ADGRB3: variants seen among roughly 807,000 people sequenced by gnomAD.
The protein encoded by ADGRB3 is brain-specific angiogenesis inhibitor 3.
A neutral mutation model predicts 193.4 loss-of-function variants in ADGRB3; 37 were observed. The observed-to-expected ratio is 0.19, with a 90% CI of 0.15 to 0.25. The LOEUF is 0.25. Ranked by LOEUF, ADGRB3 falls within the 10% of genes least tolerant of loss-of-function variation. The pLI is 1.00. For synonymous variants in ADGRB3, 690 were observed against 644.2 expected, an observed-to-expected ratio of 1.07 and a Z score of -1.08; for missense variants, 1,637 against 1,852.9, an observed-to-expected ratio of 0.88 and a Z score of 2.14.
chr6:68,755,992 A>G (rs1766291938), intron 3 of ADGRB3, among the ~76,000 whole-genome samples: 1 of 152,182 alleles, frequency 6.6e-6, no homozygotes. Context: ...AGAGGAAAAA[A>G]TGCTTCTGCC....
At chr6:69,354,384 A>C (rs1769293569) in intron 27 of ADGRB3, 56 bp downstream of exon 27, 1 of 1,442,152 alleles carries the variant, frequency 6.9e-7, no homozygotes, top group East Asian at 2.3e-5. Flanking sequence ...CAAGGGAATA[A>C]AAGAAATCCT....
chr6:69,376,325 G>A (rs1180878137), intron 30 of ADGRB3, among the ~76,000 whole-genome samples: 1 of 151,646 alleles, frequency 6.6e-6, no homozygotes, highest in East Asian at 2.0e-4. Context: ...CTCGAACTCT[G>A]GGGCTCATGT....
chr6:69,243,175 G>A (rs1219772391), intron 20 of ADGRB3, among the ~76,000 whole-genome samples: 1 of 151,774 alleles, frequency 6.6e-6, no homozygotes, highest in East Asian at 1.9e-4. Flanking sequence ...AAAGTGGTGG[G>A]AGATAGCTTC....
chr6:69,343,650 A>G (rs140738896), intron 26 of ADGRB3, among the ~76,000 whole-genome samples: 3 of 152,284 alleles, frequency 2.0e-5, no homozygotes, highest in Non-Finnish European at 2.9e-5. Context: ...TCTTGAAAAT[A>G]CAGTTTCTTC....
At chr6:68,676,356 A>C (rs1769086779) in intron 3 of ADGRB3, among the ~76,000 whole-genome samples, 1 of 144,566 alleles carries the variant, frequency 6.9e-6, no homozygotes, top group South Asian at 2.2e-4. Context: ...GCACCACTGC[A>C]CTCCAGCCTG....
At chr6:69,042,170 A>G (rs530202570) in intron 13 of ADGRB3, among the ~76,000 whole-genome samples, 2 of 152,320 alleles carry the variant, frequency 1.3e-5, no homozygotes, top group African/African-American at 4.8e-5. Flanking sequence ...CCTTTCTGCC[A>G]TGATTGTAAG....
chr6:69,296,331 A>G lies in ADGRB3; in HGVS notation c.2815-28541A>G, dbSNP rs187423981. ...CATGGTGATTTCCTAGCTATGTTGC[A>G]TTACAAACGAGAGGCTCAGCCATGT... On this transcript the variant is annotated intron_variant, in intron 20 of 31. Transcript: ENST00000370598. Among the ~76,000 whole-genome samples the G allele has an allele frequency of 1.4e-4, 21 of 152,276 alleles. No individual in the cohort carries two copies. In the East Asian group the frequency reaches 3.9e-3, roughly 28 times the overall value.
At chr6:69,044,746 T>C (rs564975360) in intron 13 of ADGRB3, among the ~76,000 whole-genome samples, 1 of 152,184 alleles carries the variant, frequency 6.6e-6, no homozygotes, top group African/African-American at 2.4e-5. Context: ...AGAAATCAAA[T>C]CAAGTGTTGT....
chr6:68,986,535 C>A (rs527910655), intron 10 of ADGRB3, among the ~76,000 whole-genome samples: 7 of 152,128 alleles, frequency 4.6e-5, no homozygotes, highest in Non-Finnish European at 7.4e-5. Flanking sequence ...TAAGGGTATA[C>A]CTTCTTTTTC....
intron 13 of ADGRB3, 148 bp downstream of exon 13, chr6:69,018,647 T>C (rs1363973845): frequency 1.7e-6 from 1 of 575,608 alleles, no homozygotes; most frequent in African/African-American, 1.9e-5. Context: ...TATCTGACTT[T>C]TAGATGGGCC....
intron 26 of ADGRB3, among the ~76,000 whole-genome samples, chr6:69,344,506 C>T (rs190101764): frequency 2.2e-4 from 34 of 152,286 alleles, no homozygotes; most frequent in Admixed American, 6.5e-4. Flanking sequence ...AGACAAGCAT[C>T]CTTACCTGTC....
chr6:69,115,578 C>T (rs1582471894), intron 17 of ADGRB3, among the ~76,000 whole-genome samples: 1 of 151,940 alleles, frequency 6.6e-6, no homozygotes, highest in African/African-American at 2.4e-5. Flanking sequence ...ACATGTATCC[C>T]AGAACTTAAA....
intron 3 of ADGRB3, among the ~76,000 whole-genome samples, chr6:68,713,732 C>A (rs1176255162): frequency 6.6e-6 from 1 of 151,384 alleles, no homozygotes; most frequent in Non-Finnish European, 1.5e-5. Context: ...AGTATAACTC[C>A]TCTCCTTTCA....
chr6:68,843,481 T>C (rs1160476681), intron 3 of ADGRB3, among the ~76,000 whole-genome samples: 1 of 152,024 alleles, frequency 6.6e-6, no homozygotes, highest in Non-Finnish European at 1.5e-5. Context: ...GAAAGATCTC[T>C]ACAATGAAAA....
intron 3 of ADGRB3, among the ~76,000 whole-genome samples, chr6:68,767,624 C>A (rs138572909): frequency 6.6e-6 from 1 of 152,092 alleles, no homozygotes; most frequent in African/African-American, 2.4e-5. Context: ...CCTTTGAAAA[C>A]TGGCACAAGA....
At position 69,180,532 on chromosome 6, in the gene ADGRB3, G is replaced by A. The variant is rs573498875; in HGVS notation, c.2481-52758G>A. 4.6e-5 allele frequency among the ~76,000 whole-genome samples: 7 copies of A among 152,298 alleles called. No homozygotes were observed. In the South Asian group the frequency reaches 1.0e-3, roughly 23 times the overall value. Reference sequence around the variant, plus strand: ...TGAGTTAGTGCTCTGAATGCCTGGAGATCTGCCTAGGAATGGAGTAGAGAG... The same window carrying A: ...TGAGTTAGTGCTCTGAATGCCTGGAAATCTGCCTAGGAATGGAGTAGAGAG... On this transcript the variant is annotated intron_variant, in intron 17 of 31. Coordinates refer to ENST00000370598, the MANE Select transcript of ADGRB3 (RefSeq NM_001704.3).
intron 20 of ADGRB3, among the ~76,000 whole-genome samples, chr6:69,245,224 C>T (rs1200089475): frequency 6.6e-6 from 1 of 151,990 alleles, no homozygotes; most frequent in African/African-American, 2.4e-5. Context: ...ATACTGCTTA[C>T]AGTATTATCA....
At chr6:68,877,595 A>G (rs1765627981) in intron 3 of ADGRB3, among the ~76,000 whole-genome samples, 3 of 152,212 alleles carry the variant, frequency 2.0e-5, no homozygotes, top group South Asian at 4.1e-4. Flanking sequence ...TTCTCAGCAC[A>G]TCTCCAATTT....
intron 30 of ADGRB3, among the ~76,000 whole-genome samples, chr6:69,377,869 T>C (rs1285817621): frequency 6.6e-6 from 1 of 152,068 alleles, no homozygotes; most frequent in African/African-American, 2.4e-5. Context: ...GTCATTTGTA[T>C]TAAAAAGAAA....
Sources: allele counts gnomAD v4.1 joint callset (sites outside exome capture counted in the v4.1 genomes callset), GRCh38; gene constraint gnomAD v4.1.1; transcripts MANE v1.5; gene names NCBI Gene and HGNC (gene_info 2026-07-23, HGNC 2026-07-21).